Variants in HSPG2 observed in about 807,000 individuals in gnomAD.
The protein encoded by HSPG2 is heparan sulfate proteoglycan 2, also known as basement membrane-specific heparan sulfate proteoglycan core protein.
A neutral mutation model predicts 526.6 loss-of-function variants in HSPG2; 278 were observed. The ratio of observed to expected loss-of-function variants is 0.53; its 90% CI spans 0.48 to 0.58. The LOEUF is 0.58. Ranked by LOEUF, HSPG2 falls within the 20% of genes least tolerant of loss-of-function variation. HSPG2 has a pLI of 0.00. For synonymous variants in HSPG2, 2,465 were observed against 2,555.4 expected (o/e 0.96, Z 1.07); for missense variants, 5,354 against 6,099.5 (o/e 0.88, Z 4.07).
chr1:21,933,643 A>G (rs1474446462), intron 1 of HSPG2, among the ~76,000 whole-genome samples: 1 of 152,226 alleles, frequency 6.6e-6, no homozygotes, highest in Non-Finnish European at 1.5e-5. Context: ...GGGCCAAGCC[A>G]GGCAGGGGCC....
chr1:21,835,459 A>T (rs1341323583), intron 76 of HSPG2, 81 bp downstream of exon 76: 4 of 906,568 alleles, frequency 4.4e-6, no homozygotes, highest in Non-Finnish European at 7.4e-6. Flanking sequence ...TTCCTAGGGA[A>T]CAGGGTCTGG....
At chr1:21,854,379 G>T in intron 49 of HSPG2, 36 bp from the exon 50 acceptor site, 1 of 1,554,834 alleles carries the variant, frequency 6.4e-7, no homozygotes, top group East Asian at 2.4e-5. Flanking sequence ...GTGAGGACAG[G>T]GACGGGGGCT....
chr1:21,867,029 T>G (rs1012094382), intron 33 of HSPG2, among the ~76,000 whole-genome samples: 3 of 151,964 alleles, frequency 2.0e-5, no homozygotes, highest in Admixed American at 1.3e-4. Context: ...GTTGCAGGTG[T>G]GTACAGCACA....
At chr1:21,886,908 G>A (rs953064370) in intron 9 of HSPG2, among the ~76,000 whole-genome samples, 1 of 152,152 alleles carries the variant, frequency 6.6e-6, no homozygotes, top group Non-Finnish European at 1.5e-5. Flanking sequence ...ACAAAGAGAA[G>A]CTTCATGGTA....
Position 21,828,235 on chromosome 1 carries a change from C to A in HSPG2, c.12409+20G>T. The A allele has an allele frequency of 6.2e-7, 1 of 1,613,352 alleles. No individual in the cohort carries two copies. Among genetic ancestry groups the A allele is most frequent in the Non-Finnish European group, 8.5e-7 (1 of 1,180,018 alleles). Reference sequence around the variant, plus strand: ...CCACCTGTGCCCCTCCCCTCCGGTGCCCTGGGCAGGCTTTCCCACCTTTGA... The same window carrying A: ...CCACCTGTGCCCCTCCCCTCCGGTGACCTGGGCAGGCTTTCCCACCTTTGA... On this transcript the variant is annotated intron_variant, in intron 89 of 96. Coordinates refer to ENST00000374695, the MANE Select transcript of HSPG2 (RefSeq NM_005529.7). The surrounding 1 kb of genome is among the most constrained non-coding windows in gnomAD (Gnocchi z 6.0).
intron 6 of HSPG2, 137 bp downstream of exon 6, chr1:21,889,844 G>T: frequency 1.1e-6 from 1 of 883,294 alleles, no homozygotes; most frequent in South Asian, 1.4e-5. Context: ...TGTAAAGATC[G>T]ATGGGGCAGA....
chr1:21,889,376 TGCACCTAACC>T (rs1275617128), intron 6 of HSPG2, among the ~76,000 whole-genome samples: 1 of 152,216 alleles, frequency 6.6e-6, no homozygotes, highest in East Asian at 1.9e-4. Context: ...GCCAGGATTC[TGCACCTAACC>T]GCTGTGTGGC....
intron 68 of HSPG2, 32 bp downstream of exon 68, chr1:21,842,206 TC>T (rs2152706321): frequency 6.2e-7 from 1 of 1,612,562 alleles, no homozygotes; most frequent in Non-Finnish European, 8.5e-7. Context: ...GGCCCTCCCT[TC>T]CCCCCTTGCC....
At chr1:21,921,116 C>T (rs749459999) in intron 1 of HSPG2, among the ~76,000 whole-genome samples, 1 of 152,196 alleles carries the variant, frequency 6.6e-6, no homozygotes, top group African/African-American at 2.4e-5. Flanking sequence ...CCCAGTGGCT[C>T]GCTGCCATTG....
In HSPG2 at chr1:21,851,852, G is replaced by A. The variant is rs774822789; in HGVS notation, c.6945C>T (p.Asn2315=). 40 of 1,613,440 alleles carry A rather than the reference G, an allele frequency of 2.5e-5. No homozygotes were observed. Among genetic ancestry groups the A allele is most frequent in the East Asian group, 1.1e-4 (5 of 44,890 alleles). ...TGACCGTGATGGAGGCCTCCATGCCGTTGCTGGCCCGGCAGACGTACTGTC... is the reference window on the plus strand; with the variant it reads ...TGACCGTGATGGAGGCCTCCATGCCATTGCTGGCCCGGCAGACGTACTGTC... ...DAGQYVCRAS[N]GMEASITVTV... The change falls in exon 54 of 97, where the codon AAC becomes AAT. Residue 2315 remains asparagine, a synonymous_variant. Transcript: ENST00000374695.
Position 21,870,759 on chromosome 1 carries a change from C to T in HSPG2, c.4221+1427G>A, listed in dbSNP as rs934026416. The T allele has an allele frequency of 1.3e-5, 11 of 876,674 alleles. No individual in the cohort carries two copies. The South Asian group carries it at 2.1e-4, about 17-fold the overall frequency. 54.3% of individuals were successfully genotyped at this position (876,674 alleles called of 1,614,324 possible). On this transcript the variant is annotated intron_variant, in intron 33 of 96. Transcript: ENST00000374695. Reference sequence around the variant, plus strand: ...GCCTTGGGCACTGCGCATCTCCCCACGCAGGGCTGGGAGCACCCGAGAAGG... The same window carrying T: ...GCCTTGGGCACTGCGCATCTCCCCATGCAGGGCTGGGAGCACCCGAGAAGG...
Position 21,872,396 on chromosome 1 carries a change from G to A in HSPG2, c.4030-19C>T. 6.4e-7 allele frequency: 1 copy of A among 1,550,860 alleles called. No individual in the cohort carries two copies. Among genetic ancestry groups the A allele is most frequent in the Non-Finnish European group, 8.7e-7 (1 of 1,145,762 alleles). ...TGGAGATCTGGCAGGGGAAAAAGGA[G>A]GGGGCGTCAGCCTGAGCACCGGGGT... is the stretch of plus-strand genomic sequence containing the variant. On this transcript the variant is annotated intron_variant, in intron 32 of 96. Coordinates refer to ENST00000374695, the MANE Select transcript of HSPG2 (RefSeq NM_005529.7). The surrounding 1 kb of genome is among the most constrained non-coding windows in gnomAD (Gnocchi z 5.5).
chr1:21,851,807 C>T lies in HSPG2; in HGVS notation c.6990G>A (p.Gly2330=), dbSNP rs1256664219. ...CCCACTCACGGTAGGCTAAGTTGGCCCCCTGGGTCCCAGTTACTGTGACCG... is the reference window on the plus strand; with the variant it reads ...CCCACTCACGGTAGGCTAAGTTGGCTCCCTGGGTCCCAGTTACTGTGACCG... ...SITVTVTGTQ[G]ANLAYPAGST... Residue 2330 remains glycine (G), a synonymous_variant, in exon 54 of 97, where the codon GGG becomes GGA. Transcript: ENST00000374695. 3 of 1,613,828 alleles carry T rather than the reference C, an allele frequency of 1.9e-6. No homozygotes were observed. Among genetic ancestry groups the T allele is most frequent in the Admixed American group, 3.3e-5 (2 of 60,030 alleles).
intron 21 of HSPG2, among the ~76,000 whole-genome samples, chr1:21,877,038 G>T (rs766111815): frequency 7.6e-6 from 1 of 132,112 alleles, no homozygotes; most frequent in Non-Finnish European, 1.6e-5. Flanking sequence ...CAGCCTACGC[G>T]ATGGGAGCGA....
rs1639628190 is a variant in HSPG2, at chr1:21,859,566, C to T, written c.5293G>A (p.Glu1765Lys). The T allele has an allele frequency of 6.3e-7, 1 of 1,587,944 alleles. No homozygotes were observed. Among genetic ancestry groups the T allele is most frequent in the Admixed American group, 1.8e-5 (1 of 56,244 alleles). Reference sequence around the variant, plus strand: ...GGTTACAGGGGGCGTAGGGACTCACCAGTGACCAGCAGCTCTGCCCGGCTG... The same window carrying T: ...GGTTACAGGGGGCGTAGGGACTCACTAGTGACCAGCAGCTCTGCCCGGCTG... ...NTSRAELLVT[E>K]APSKPITVTV... The change falls in exon 42 of 97, where the codon GAG becomes AAG. Residue 1765 changes from glutamate (E) to lysine (K), a missense_variant and splice_region_variant. Glu to Lys is a moderately conservative substitution (Grantham distance 56). Coordinates refer to ENST00000374695, the MANE Select transcript of HSPG2 (RefSeq NM_005529.7). The surrounding 1 kb of genome is among the most constrained non-coding windows in gnomAD (Gnocchi z 5.3).
In HSPG2 at chr1:21,823,459, C is replaced by A. The variant is rs148788926; in HGVS notation, c.13033G>T (p.Gly4345Trp). The A allele has an allele frequency of 1.3e-6, 2 of 1,595,892 alleles. No individual in the cohort carries two copies. Among genetic ancestry groups the A allele is most frequent in the Non-Finnish European group, 1.7e-6 (2 of 1,175,556 alleles). The change falls in exon 97 of 97, where the codon GGG becomes TGG. Residue 4345 changes from glycine (G) to tryptophan (W), a missense_variant. Transcript: ENST00000374695. ...GGAPDVATLTGGRFSSGITGC... is the reference protein window; with the variant it reads ...GGAPDVATLTWGRFSSGITGC... The stretch of plus-strand genomic sequence containing the variant: ...GTGATGCCTGAGGAGAATCTGCCCC[C>A]GGTCAGCGTGGCCACGTCAGGGGCT...
intron 85 of HSPG2, chr1:21,830,394 A>T (rs2097997443): frequency 2.4e-6 from 1 of 422,564 alleles, no homozygotes; most frequent in East Asian, 4.8e-5. Flanking sequence ...GGGTAATAAG[A>T]TGGGACTGGG....
chr1:21,872,575 A>G lies in HSPG2; in HGVS notation c.4029+45T>C. The G allele has an allele frequency of 2.6e-6, 4 of 1,558,160 alleles. No individual in the cohort carries two copies. Among genetic ancestry groups the G allele is most frequent in the Non-Finnish European group, 3.5e-6 (4 of 1,151,134 alleles). ...AGTGCTCAGATGGACAGTAACAGGC[A>G]GCAGGTGGCAACACCGCCTGGGGCT... On this transcript the variant is annotated intron_variant, in intron 32 of 96. Coordinates refer to ENST00000374695, the MANE Select transcript of HSPG2 (RefSeq NM_005529.7). This position sits in a 1 kb window ranked among gnomAD's most constrained non-coding sequence, Gnocchi z 5.5.
chr1:21,904,627 G>C lies in HSPG2; in HGVS notation c.64-8317C>G, dbSNP rs60390343. ...CTGCCTGCCAGCTTACAGGGAACCA[G>C]GAAGCCACCGGGAAATGCCCTTGCC... On this transcript the variant is annotated intron_variant, in intron 1 of 96. Coordinates refer to ENST00000374695, the MANE Select transcript of HSPG2 (RefSeq NM_005529.7). This position sits in a 1 kb window ranked among gnomAD's most constrained non-coding sequence, Gnocchi z 4.4. Among the ~76,000 whole-genome samples, 3,449 of 152,360 alleles carry C rather than the reference G, an allele frequency of 0.023. 147 individuals are homozygous for C. Among genetic ancestry groups the C allele is most frequent in the African/African-American group, 0.079 (3,265 of 41,586 alleles).
Sources: gnomAD v4.1 joint callset for allele counts (sites outside exome capture counted in the v4.1 genomes callset) on GRCh38, gnomAD v4.1.1 for gene constraint, Gnocchi (gnomAD v3.1) non-coding constraint, MANE v1.5 for transcripts, NCBI Gene and HGNC (gene_info 2026-07-23, HGNC 2026-07-21) for gene names.